CCDC126: variants seen among roughly 807,000 people sequenced by gnomAD.
CCDC126 encodes coiled-coil domain-containing protein 126.
In CCDC126, 5 loss-of-function variants were observed where a neutral mutation model predicts 11.7. That is an observed-to-expected ratio of 0.43 (90% confidence interval 0.22 to 0.90). The LOEUF (loss-of-function observed/expected upper bound fraction) is 0.90, where lower values mean the gene tolerates loss of function less well. Ranked by LOEUF, CCDC126 falls within the 40% of genes least tolerant of loss-of-function variation. The probability of loss-of-function intolerance (pLI) is 0.27; values close to 1 mark genes in which losing one functional copy is unlikely to be tolerated. For synonymous variants in CCDC126, 60 were observed against 61.9 expected (o/e 0.97, Z 0.14); for missense variants, 150 against 163.1 (o/e 0.92, Z 0.44).
chr7:23,625,340 G>A (rs1365283040), intron 3 of CCDC126, among the ~76,000 whole-genome samples: 3 of 152,166 alleles, frequency 2.0e-5, no homozygotes, highest in African/African-American at 7.2e-5. Flanking sequence ...GGTCAAGGAT[G>A]TGCACACGTT....
chr7:23,635,636 C>G (rs1783196200), intron 3 of CCDC126, among the ~76,000 whole-genome samples: 1 of 152,078 alleles, frequency 6.6e-6, no homozygotes, highest in Admixed American at 6.6e-5. Context: ...AATATTAAAA[C>G]AGTTGATTTT....
rs578126131 is a variant in CCDC126 at position 23,636,266 on chromosome 7, C to T, written c.239-6665C>T. On this transcript the variant is annotated intron_variant, in intron 3 of 3. Transcript: ENST00000307471. ...CCCCCCAAAGTGCCGAGATTGCAGCCTCTGCCCAGCCGCCACCCCGTCTGG... is the reference window on the plus strand; with the variant it reads ...CCCCCCAAAGTGCCGAGATTGCAGCTTCTGCCCAGCCGCCACCCCGTCTGG... Among the ~76,000 whole-genome samples, 24 of 152,222 alleles carry T rather than the reference C, an allele frequency of 1.6e-4. No individual in the cohort carries two copies. In the East Asian group the frequency reaches 4.5e-3, roughly 28 times the overall value.
chr7:23,627,179 T>G lies in CCDC126; in HGVS notation c.238+15626T>G, dbSNP rs1783030550. The stretch of plus-strand genomic sequence containing the variant: ...ACTGACCCTGCTTTCTTTTAAGGGT[T>G]TTGGCTTTCCTCTTTATCAGTGTAG... On this transcript the variant is annotated intron_variant, in intron 3 of 3. Coordinates refer to ENST00000307471, the MANE Select transcript of CCDC126 (RefSeq NM_138771.4). Among the ~76,000 whole-genome samples, 3 of 152,150 alleles carry G rather than the reference T, an allele frequency of 2.0e-5. No homozygotes were observed. In the South Asian group the frequency reaches 6.2e-4, roughly 32 times the overall value.
intron 3 of CCDC126, among the ~76,000 whole-genome samples, chr7:23,631,617 C>T (rs567906378): frequency 1.4e-4 from 21 of 152,030 alleles, no homozygotes; most frequent in Middle Eastern, 3.4e-3. Context: ...AAAAATTAGC[C>T]GGGCGTGGTG....
chr7:23,625,649 A>ATTTTTTT (rs34492140), intron 3 of CCDC126, among the ~76,000 whole-genome samples: 44 of 77,142 alleles, frequency 5.7e-4, no homozygotes, highest in Admixed American at 9.4e-4. Context: ...TATTTGACTG[A>ATTTTTTT]TTTTTTTTTT....
chr7:23,613,412 A>G (rs187004601), intron 3 of CCDC126, among the ~76,000 whole-genome samples: 2 of 152,228 alleles, frequency 1.3e-5, no homozygotes, highest in Admixed American at 1.3e-4. Context: ...AAAGTCCTCA[A>G]ATTTCCTGTT....
intron 3 of CCDC126, among the ~76,000 whole-genome samples, chr7:23,632,189 G>T (rs139341858): frequency 0.018 from 2,734 of 151,726 alleles, 101 homozygotes; most frequent in African/African-American, 0.063. Flanking sequence ...TGCCTCCCAG[G>T]TTCAAGTGAT....
intron 3 of CCDC126, among the ~76,000 whole-genome samples, chr7:23,631,507 C>G (rs991581333): frequency 3.3e-5 from 5 of 152,188 alleles, no homozygotes; most frequent in African/African-American, 4.8e-5. Context: ...TGGCTCACGT[C>G]TGTAATCCCA....
At chr7:23,639,116 A>T (rs1436761885) in intron 3 of CCDC126, among the ~76,000 whole-genome samples, 1 of 152,004 alleles carries the variant, frequency 6.6e-6, no homozygotes, top group Non-Finnish European at 1.5e-5. Flanking sequence ...ACTCTACAGA[A>T]AAAATTTAAA....
chr7:23,626,787 A>AT (rs1196606080), intron 3 of CCDC126, among the ~76,000 whole-genome samples: 2 of 152,162 alleles, frequency 1.3e-5, no homozygotes, highest in African/African-American at 2.4e-5. Flanking sequence ...ATTAGCTAAT[A>AT]TTTTTTAAAA....
At chr7:23,615,723 T>C (rs896721205) in intron 3 of CCDC126, among the ~76,000 whole-genome samples, 1 of 152,172 alleles carries the variant, frequency 6.6e-6, no homozygotes, top group African/African-American at 2.4e-5. Context: ...TAGGGAGGCC[T>C]GAAGAGAGGG....
chr7:23,621,288 C>A (rs1028260407), intron 3 of CCDC126, among the ~76,000 whole-genome samples: 3 of 152,082 alleles, frequency 2.0e-5, no homozygotes, highest in Non-Finnish European at 4.4e-5. Flanking sequence ...TTGAAGAGGT[C>A]CTTCACATCC....
chr7:23,604,126 T>G (rs1484786712), intron 2 of CCDC126: 1 of 152,236 alleles, frequency 6.6e-6, no homozygotes, highest in Admixed American at 6.5e-5. Context: ...CAACATGCTA[T>G]TATGTCATCT....
chr7:23,639,147 A>G (rs969245689), intron 3 of CCDC126, among the ~76,000 whole-genome samples: 6 of 151,246 alleles, frequency 4.0e-5, no homozygotes, highest in Admixed American at 3.3e-4. Context: ...TAAACATCAT[A>G]TATCTTTCAT....
intron 3 of CCDC126, among the ~76,000 whole-genome samples, 186 bp from the exon 4 acceptor site, chr7:23,642,745 A>G (rs1043897162): frequency 4.0e-5 from 6 of 151,866 alleles, no homozygotes; most frequent in Non-Finnish European, 8.8e-5. Flanking sequence ...CCTGGGAGAC[A>G]GAGGGAAACT....
rs111932499 is a variant in CCDC126 at position 23,619,069 on chromosome 7, T to C, written c.238+7516T>C. 1.7e-4 allele frequency among the ~76,000 whole-genome samples: 26 copies of C among 152,216 alleles called. 2 individuals carry two copies. The highest frequency in any genetic ancestry group is 4.3e-4 in the African/African-American group (18 of 41,528). ...TGATCTCAGCACTCACTACCTTCATTTACTCTTCCAGTTTCCAGTGTAAAC... is the reference window on the plus strand; with the variant it reads ...TGATCTCAGCACTCACTACCTTCATCTACTCTTCCAGTTTCCAGTGTAAAC... On this transcript the variant is annotated intron_variant, in intron 3 of 3. Coordinates refer to ENST00000307471, the MANE Select transcript of CCDC126 (RefSeq NM_138771.4).
intron 2 of CCDC126, among the ~76,000 whole-genome samples, chr7:23,609,975 A>G (rs1185266984): frequency 6.6e-6 from 1 of 152,346 alleles, no homozygotes; most frequent in Non-Finnish European, 1.5e-5. Context: ...TTTCTATCTA[A>G]AGAATTTTGC....
Position 23,611,898 on chromosome 7 carries a change from CTT to C in CCDC126, c.238+347_238+348del, listed in dbSNP as rs1363804903. Among the ~76,000 whole-genome samples the C allele has an allele frequency of 8.5e-5, 13 of 152,198 alleles. No homozygotes were observed. The East Asian group carries it at 2.5e-3, about 29-fold the overall frequency. On this transcript the variant is annotated intron_variant, in intron 3 of 3. Transcript: ENST00000307471. Reference sequence around the variant, plus strand: ...ATGGCTCACGCCTGTAATCCCAGCACTTTGGGAGGCCGAGGCGGATGGATCAC... The same window carrying C: ...ATGGCTCACGCCTGTAATCCCAGCACTGGGAGGCCGAGGCGGATGGATCAC...
chr7:23,606,034 G>A (rs1782617667), intron 2 of CCDC126, among the ~76,000 whole-genome samples: 1 of 151,666 alleles, frequency 6.6e-6, no homozygotes, highest in Admixed American at 6.6e-5. Flanking sequence ...GGTATGAAGT[G>A]GTATTTCATA....
Sources: gnomAD v4.1 joint callset for allele counts (sites outside exome capture counted in the v4.1 genomes callset) on GRCh38, gnomAD v4.1.1 for gene constraint, MANE v1.5 for transcripts, NCBI Gene and HGNC (gene_info 2026-07-23, HGNC 2026-07-21) for gene names.